Variants in FBXL7 observed in about 807,000 individuals in gnomAD.
The protein encoded by FBXL7 is F-box and leucine rich repeat protein 7.
FBXL7 carries 12 observed loss-of-function variants against 38.3 expected under a neutral mutation model. That is an observed-to-expected ratio of 0.31 (90% confidence interval 0.20 to 0.51). The LOEUF (loss-of-function observed/expected upper bound fraction) is 0.51. Among genes scored for constraint, FBXL7 ranks in the 20% least tolerant of loss-of-function variants. The pLI is 0.98. For synonymous variants in FBXL7, 297 were observed against 300.9 expected, an observed-to-expected ratio of 0.99 and a Z score of 0.13; for missense variants, 567 against 676.4, an observed-to-expected ratio of 0.84 and a Z score of 1.79.
chr5:15,883,754 A>G (rs1740558725), intron 2 of FBXL7, among the ~76,000 whole-genome samples: 2 of 152,216 alleles, frequency 1.3e-5, no homozygotes, highest in Non-Finnish European at 2.9e-5. Context: ...TGAGTCATTC[A>G]AACTAATTAA....
At position 15,604,606 on chromosome 5, in the gene FBXL7, C is replaced by T. The variant is rs149029868; in HGVS notation, c.38-11377C>T. On this transcript the variant is annotated intron_variant, in intron 1 of 3. Transcript: ENST00000504595. ...CTGACCTCAAGTGATCCACCTACCT[C>T]GGCCTCCCAAAGTGCTGGGATTACA... Among the ~76,000 whole-genome samples, 1,237 of 152,264 alleles carry T rather than the reference C, an allele frequency of 8.1e-3. 13 individuals carry two copies. The highest frequency in any genetic ancestry group is 0.028 in the African/African-American group (1,173 of 41,556).
intron 2 of FBXL7, among the ~76,000 whole-genome samples, chr5:15,886,029 T>G (rs148196714): frequency 3.3e-5 from 5 of 152,230 alleles, no homozygotes; most frequent in African/African-American, 1.2e-4. Flanking sequence ...CCTAGTCACA[T>G]TTTTAAAAAT....
intron 2 of FBXL7, among the ~76,000 whole-genome samples, chr5:15,712,501 A>G (rs1233582397): frequency 1.3e-5 from 2 of 152,120 alleles, no homozygotes; most frequent in East Asian, 3.9e-4. Context: ...GTCATTAACT[A>G]TATTTTGAAG....
intron 1 of FBXL7, chr5:15,602,183 C>T (rs539449617): frequency 1.3e-5 from 2 of 152,214 alleles, no homozygotes; most frequent in East Asian, 1.9e-4. Context: ...TTTTAGCTTC[C>T]AAAACTGTCA....
At chr5:15,573,837 A>G (rs775237308) in intron 1 of FBXL7, among the ~76,000 whole-genome samples, 5 of 152,224 alleles carry the variant, frequency 3.3e-5, no homozygotes, top group Non-Finnish European at 7.3e-5. Context: ...TTGTACTATC[A>G]TAAATGTAGA....
At chr5:15,629,647 G>T (rs1740935270) in intron 2 of FBXL7, among the ~76,000 whole-genome samples, 1 of 152,068 alleles carries the variant, frequency 6.6e-6, no homozygotes, top group African/African-American at 2.4e-5. Context: ...TGCTTCCTGC[G>T]ATGCCTCAAT....
chr5:15,849,131 C>A (rs1739016812), intron 2 of FBXL7, among the ~76,000 whole-genome samples: 1 of 152,210 alleles, frequency 6.6e-6, no homozygotes, highest in Non-Finnish European at 1.5e-5. Flanking sequence ...GCTTCACCTA[C>A]TCCTTTTATC....
At chr5:15,887,493 G>T (rs934317013) in intron 2 of FBXL7, among the ~76,000 whole-genome samples, 2 of 152,224 alleles carry the variant, frequency 1.3e-5, no homozygotes, top group African/African-American at 4.8e-5. Flanking sequence ...TGGGATTTAA[G>T]TCTGAGAAAG....
chr5:15,635,657 T>C (rs1741156571), intron 2 of FBXL7, among the ~76,000 whole-genome samples: 1 of 152,186 alleles, frequency 6.6e-6, no homozygotes, highest in Non-Finnish European at 1.5e-5. Context: ...GAAATGCCTG[T>C]GTGTATTTAC....
intron 1 of FBXL7, among the ~76,000 whole-genome samples, chr5:15,515,869 T>C (rs111647007): frequency 6.6e-6 from 1 of 152,152 alleles, no homozygotes. Context: ...TCAAATAACA[T>C]TCCACTGAGA....
chr5:15,834,198 G>C (rs182119062), intron 2 of FBXL7, among the ~76,000 whole-genome samples: 48 of 152,238 alleles, frequency 3.2e-4, no homozygotes, highest in Non-Finnish European at 4.4e-5. Flanking sequence ...GTGGAACACT[G>C]GTTAACAAAT....
At chr5:15,927,352 G>A (rs1420344112) in intron 2 of FBXL7, among the ~76,000 whole-genome samples, 1 of 152,148 alleles carries the variant, frequency 6.6e-6, no homozygotes, top group Non-Finnish European at 1.5e-5. Context: ...ACAGGGAATT[G>A]TTGCTTTCTG....
At chr5:15,849,810 T>TA (rs1739038732) in intron 2 of FBXL7, among the ~76,000 whole-genome samples, 1 of 152,236 alleles carries the variant, frequency 6.6e-6, no homozygotes. Flanking sequence ...TTCATACCTG[T>TA]AAAAATGTGA....
chr5:15,614,696 C>T (rs562574929), intron 1 of FBXL7, among the ~76,000 whole-genome samples: 21 of 152,244 alleles, frequency 1.4e-4, no homozygotes, highest in Middle Eastern at 6.8e-3. Flanking sequence ...ATCTTTTGTT[C>T]GGGTCTCACA....
rs527974052 is a variant in FBXL7, at chr5:15,588,195, T to A, written c.38-27788T>A. 4.6e-5 allele frequency among the ~76,000 whole-genome samples: 7 copies of A among 152,316 alleles called. No individual in the cohort carries two copies. The East Asian group carries it at 1.4e-3, about 29-fold the overall frequency. On this transcript the variant is annotated intron_variant, in intron 1 of 3. Coordinates refer to ENST00000504595, the MANE Select transcript of FBXL7 (RefSeq NM_012304.5). ...GGTGGTAGATTGTGGAGACACTGTCTGGTGATTTATTTACTGTCAGAACTG... is the reference window on the plus strand; with the variant it reads ...GGTGGTAGATTGTGGAGACACTGTCAGGTGATTTATTTACTGTCAGAACTG...
chr5:15,561,446 C>G (rs1367004085), intron 1 of FBXL7, among the ~76,000 whole-genome samples: 1 of 152,130 alleles, frequency 6.6e-6, no homozygotes, highest in Non-Finnish European at 1.5e-5. Context: ...CATACCACAT[C>G]TTTATGCATT....
chr5:15,709,287 A>C (rs183667340), intron 2 of FBXL7, among the ~76,000 whole-genome samples: 45 of 152,268 alleles, frequency 3.0e-4, no homozygotes, highest in African/African-American at 1.1e-3. Context: ...TAATCCCAGC[A>C]CTTTGGGAGG....
intron 2 of FBXL7, among the ~76,000 whole-genome samples, chr5:15,691,134 A>G (rs1743169481): frequency 6.6e-6 from 1 of 152,114 alleles, no homozygotes; most frequent in African/African-American, 2.4e-5. Context: ...CAGGATGATA[A>G]CCTAGGGTGA....
intron 2 of FBXL7, among the ~76,000 whole-genome samples, chr5:15,731,663 A>G (rs1329377791): frequency 6.6e-6 from 1 of 152,244 alleles, no homozygotes; most frequent in Non-Finnish European, 1.5e-5. Flanking sequence ...TGTAAGCTTC[A>G]TGAAAGCCTT....
Sources: gnomAD v4.1 joint callset for allele counts (sites outside exome capture counted in the v4.1 genomes callset) on GRCh38, gnomAD v4.1.1 for gene constraint, MANE v1.5 for transcripts, NCBI Gene and HGNC (gene_info 2026-07-23, HGNC 2026-07-21) for gene names.